The following PTPN3 variants were observed in gnomAD, a reference collection of about 807,000 sequenced individuals.
PTPN3 encodes the protein tyrosine-protein phosphatase non-receptor type 3.
In PTPN3, 96 loss-of-function variants were observed where a neutral mutation model predicts 132.7. The ratio of observed to expected loss-of-function variants is 0.72; its 90% CI spans 0.61 to 0.86. The LOEUF (loss-of-function observed/expected upper bound fraction) is 0.86, where lower values mean the gene tolerates loss of function less well. Among genes scored for constraint, PTPN3 ranks in the 40% least tolerant of loss-of-function variants. The pLI is 0.00. For synonymous variants in PTPN3, 398 were observed against 429.0 expected (o/e 0.93, Z 0.89); for missense variants, 1,125 against 1,159.6 (o/e 0.97, Z 0.43).
intron 13 of PTPN3, 76 bp from the exon 14 acceptor site, chr9:109,420,676 C>G: frequency 1.4e-6 from 2 of 1,446,532 alleles, no homozygotes; most frequent in South Asian, 2.7e-5. Flanking sequence ...ACCAGTGAAC[C>G]TCGTGTCCTG....
chr9:109,390,373 A>T (rs1839962055), intron 21 of PTPN3, among the ~76,000 whole-genome samples: 1 of 152,182 alleles, frequency 6.6e-6, no homozygotes, highest in South Asian at 2.1e-4. Context: ...CACCTTGCAA[A>T]CTAAGAGCGG....
intron 9 of PTPN3, among the ~76,000 whole-genome samples, chr9:109,433,994 G>A (rs912572509): frequency 4.0e-5 from 6 of 151,610 alleles, no homozygotes; most frequent in Non-Finnish European, 8.8e-5. Flanking sequence ...CCTAAGTGCT[G>A]GGCATTGCTG....
intron 2 of PTPN3, among the ~76,000 whole-genome samples, chr9:109,460,264 T>C (rs904557237): frequency 8.5e-5 from 13 of 152,188 alleles, no homozygotes; most frequent in Non-Finnish European, 1.3e-4. Flanking sequence ...GCAAACCCTA[T>C]TGACTCCACC....
intron 19 of PTPN3, among the ~76,000 whole-genome samples, chr9:109,402,554 T>C (rs566911985): frequency 1.3e-5 from 2 of 152,084 alleles, no homozygotes; most frequent in South Asian, 2.1e-4. Flanking sequence ...GCTGGGATTA[T>C]AGGTGTGAGC....
At chr9:109,443,673 A>G (rs1022697457) in intron 7 of PTPN3, among the ~76,000 whole-genome samples, 27 of 152,202 alleles carry the variant, frequency 1.8e-4, no homozygotes, top group African/African-American at 6.5e-4. Flanking sequence ...CAAGGTCTAC[A>G]GATCATAAGA....
At chr9:109,430,180 G>A (rs769071522) in intron 10 of PTPN3, among the ~76,000 whole-genome samples, 6 of 152,118 alleles carry the variant, frequency 3.9e-5, no homozygotes, top group Non-Finnish European at 8.8e-5. Context: ...CTGAAGTCGG[G>A]GGAGTCTCCT....
At position 109,389,437 on chromosome 9, in the gene PTPN3, C is replaced by A. The variant is rs1839878612; in HGVS notation, c.2107-58G>T. On this transcript the variant is annotated intron_variant, in intron 21 of 25. Coordinates refer to ENST00000374541, the MANE Select transcript of PTPN3 (RefSeq NM_002829.4). Reference sequence around the variant, plus strand: ...TTGCTGCCCCAGGGTGCACAGGGAACTGGATTTTAAACTATTCTACTTGCT... The same window carrying A: ...TTGCTGCCCCAGGGTGCACAGGGAAATGGATTTTAAACTATTCTACTTGCT... 3.3e-6 allele frequency: 5 copies of A among 1,528,892 alleles called. No individual in the cohort carries two copies. The African/African-American group carries it at 5.5e-5, about 17-fold the overall frequency. 94.7% of individuals were successfully genotyped at this position (1,528,892 alleles called of 1,614,324 possible). A position where few individuals can be genotyped will look rare whatever the true frequency, so the allele number is the denominator to read the frequency against.
intron 17 of PTPN3, among the ~76,000 whole-genome samples, chr9:109,407,436 T>C (rs1841657731): frequency 6.6e-6 from 1 of 152,188 alleles, no homozygotes; most frequent in East Asian, 1.9e-4. Context: ...TTAATTTGTT[T>C]GACTGCAGTA....
chr9:109,460,227 C>G (rs1845773635), intron 2 of PTPN3, among the ~76,000 whole-genome samples: 1 of 152,172 alleles, frequency 6.6e-6, no homozygotes, highest in African/African-American at 2.4e-5. Context: ...GCCTCCTGTT[C>G]TTTCGCATTC....
At chr9:109,516,829 T>C in the PTPN3 span, among the ~76,000 whole-genome samples, 2 of 151,832 alleles carry the variant, frequency 1.3e-5, no homozygotes, top group Non-Finnish European at 2.9e-5. Context: ...ATGGGAGAGG[T>C]AGACCTGGTT....
intron 1 of PTPN3, among the ~76,000 whole-genome samples, chr9:109,489,274 C>T (rs1847348937): frequency 6.6e-6 from 1 of 152,134 alleles, no homozygotes; most frequent in African/African-American, 2.4e-5. Flanking sequence ...TGAGAGCTGA[C>T]AAAAGGCCGG....
At position 109,485,489 on chromosome 9, in the gene PTPN3, CAGAG is replaced by C. The variant is rs1228412340; in HGVS notation, c.-18+12726_-18+12729del. Among the ~76,000 whole-genome samples the C allele has an allele frequency of 2.0e-5, 3 of 151,940 alleles. No homozygotes were observed. The East Asian group carries it at 5.8e-4, about 29-fold the overall frequency. ...CGCCACTGCACTCCAGCCTGGGCAA[CAGAG>C]AGAGACTACGTCTCAAGAAAAAAAT... On this transcript the variant is annotated intron_variant, in intron 1 of 25. Coordinates refer to ENST00000374541, the MANE Select transcript of PTPN3 (RefSeq NM_002829.4).
At chr9:109,418,145 T>C (rs1204494186) in intron 14 of PTPN3, among the ~76,000 whole-genome samples, 1 of 152,190 alleles carries the variant, frequency 6.6e-6, no homozygotes, top group East Asian at 1.9e-4. Flanking sequence ...GCCCCCCTTT[T>C]CCTTTCACCA....
chr9:109,399,650 T>C (rs553040552), intron 19 of PTPN3, among the ~76,000 whole-genome samples: 1 of 150,634 alleles, frequency 6.6e-6, no homozygotes, highest in East Asian at 2.0e-4. Context: ...ATAAAGGGAA[T>C]TCCCTTTATG....
chr9:109,416,737 A>G (rs774175210), intron 14 of PTPN3, among the ~76,000 whole-genome samples: 4 of 152,086 alleles, frequency 2.6e-5, no homozygotes, highest in Non-Finnish European at 4.4e-5. Context: ...ATGAGCCACT[A>G]TGGCTGGCCA....
rs140930516 is a variant in PTPN3, at chr9:109,379,218, C to T, written c.*338G>A. 11 of 237,506 alleles carry T rather than the reference C, an allele frequency of 4.6e-5. No homozygotes were observed. The highest frequency in any genetic ancestry group is 2.0e-4 in the African/African-American group (9 of 44,316). The allele number at this position is 237,506 out of a possible 1,614,324, so 14.7% of individuals were successfully genotyped here. A position where few individuals can be genotyped will look rare whatever the true frequency, so the allele number is the denominator to read the frequency against. On this transcript the variant is annotated 3_prime_UTR_variant, in exon 26 of 26. Coordinates refer to ENST00000374541, the MANE Select transcript of PTPN3 (RefSeq NM_002829.4). The stretch of plus-strand genomic sequence containing the variant: ...CACCATCTTGTTGCTGGGAGGACAA[C>T]AGCTCTGTGGGTGTCCGGTCTCAAT...
rs377004848 is a variant in PTPN3 at position 109,445,237 on chromosome 9, T to C, written c.466+3A>G. On this transcript the variant is annotated splice_donor_region_variant and intron_variant, in intron 7 of 25. Coordinates refer to ENST00000374541, the MANE Select transcript of PTPN3 (RefSeq NM_002829.4). ...TCCGTGAAATGCTCCCTTTGTGACTTACATTGTACGGCATAGGACGCTAGA... is the reference window on the plus strand; with the variant it reads ...TCCGTGAAATGCTCCCTTTGTGACTCACATTGTACGGCATAGGACGCTAGA... The C allele has an allele frequency of 2.3e-5, 37 of 1,612,772 alleles. No homozygotes were observed. Among genetic ancestry groups the C allele is most frequent in the Non-Finnish European group, 2.8e-5 (33 of 1,178,748 alleles).
intron 19 of PTPN3, among the ~76,000 whole-genome samples, chr9:109,401,519 C>T: frequency 6.6e-6 from 1 of 152,224 alleles, no homozygotes; most frequent in East Asian, 1.9e-4. Flanking sequence ...CAAGGGAAAT[C>T]ACCTGTGGGA....
At chr9:109,500,833 G>A (rs1239702064), upstream of PTPN3, among the ~76,000 whole-genome samples, 2 of 151,718 alleles carry the variant, frequency 1.3e-5, no homozygotes, top group African/African-American at 4.8e-5. Context: ...AGGCTGAGGT[G>A]GGAGGATCTC....
Sources: gnomAD v4.1 joint callset for allele counts (sites outside exome capture counted in the v4.1 genomes callset) on GRCh38, gnomAD v4.1.1 for gene constraint, MANE v1.5 for transcripts, NCBI Gene and HGNC (gene_info 2026-07-23, HGNC 2026-07-21) for gene names.